The following RCL1 variants were observed in gnomAD, a reference collection of about 807,000 sequenced individuals.
RCL1 encodes the protein RNA 3'-terminal phosphate cyclase-like protein.
Under a neutral mutation model 42.4 loss-of-function variants are expected in RCL1, and 24 were observed. The observed-to-expected ratio is 0.57, with a 90% CI of 0.41 to 0.80. RCL1 has a LOEUF of 0.80. Among genes scored for constraint, RCL1 ranks in the 30% least tolerant of loss-of-function variants. RCL1 has a pLI of 0.00. For missense variants in RCL1, 578 were observed against 467.9 expected, an observed-to-expected ratio of 1.24 and a Z score of -2.17; for synonymous variants, 228 against 177.3, an observed-to-expected ratio of 1.29 and a Z score of -2.27.
chr9:4,860,098 T>A, intron 8 of RCL1, 27 bp from the exon 9 acceptor site: 1 of 1,443,958 alleles, frequency 6.9e-7, no homozygotes, highest in Non-Finnish European at 9.3e-7. Flanking sequence ...TTCTTTTTAT[T>A]TATTTATTTA....
chr9:4,825,038 A>C (rs1011727674), intron 2 of RCL1, among the ~76,000 whole-genome samples: 4 of 150,642 alleles, frequency 2.7e-5, no homozygotes, highest in Non-Finnish European at 5.9e-5. Flanking sequence ...TAGCCTCCCC[A>C]GTAGCTGGGA....
At chr9:4,832,413 T>C (rs1006488464) in intron 3 of RCL1, among the ~76,000 whole-genome samples, 2 of 152,224 alleles carry the variant, frequency 1.3e-5, no homozygotes, top group African/African-American at 4.8e-5. Context: ...TTTGGTTTGC[T>C]TTGACTCGGA....
chr9:4,844,641 G>C lies in RCL1; in HGVS notation c.827G>C (p.Gly276Ala). The change falls in exon 7 of 9, where the codon GGC becomes GCC. Residue 276 changes from glycine (G) to alanine (A), a missense_variant. By Grantham distance (60) the Gly-to-Ala change is moderately conservative. Coordinates refer to ENST00000381750, the MANE Select transcript of RCL1 (RefSeq NM_005772.5). ...QGAAVLPEDLGRNCARLLLEE... is the reference protein window; with the variant it reads ...QGAAVLPEDLARNCARLLLEE... Reference sequence around the variant, plus strand: ...GCAGCAGTACTTCCAGAGGACCTTGGCAGGAACTGTGCCCGGCTGCTGCTG... The same window carrying C: ...GCAGCAGTACTTCCAGAGGACCTTGCCAGGAACTGTGCCCGGCTGCTGCTG... 1 of 1,613,856 alleles carries C rather than the reference G, an allele frequency of 6.2e-7. No homozygotes were observed.
intron 1 of RCL1, among the ~76,000 whole-genome samples, chr9:4,805,380 C>G (rs1276067608): frequency 1.4e-5 from 2 of 142,622 alleles, no homozygotes; most frequent in African/African-American, 5.3e-5. Context: ...TCCAGCCTGT[C>G]TCTAAAAAGA....
chr9:4,802,175 T>C (rs1337134222), intron 1 of RCL1, among the ~76,000 whole-genome samples: 1 of 151,248 alleles, frequency 6.6e-6, no homozygotes, highest in East Asian at 1.9e-4. Context: ...TCCACCCGCC[T>C]TGGGCTCTCA....
At chr9:4,826,717 G>A (rs1816775654) in intron 2 of RCL1, 141 bp from the exon 3 acceptor site, 2 of 704,486 alleles carry the variant, frequency 2.8e-6, no homozygotes, top group East Asian at 2.5e-5. Flanking sequence ...GGAGCGAAGT[G>A]TGGGCTCTTA....
intron 3 of RCL1, chr9:4,827,385 G>T: frequency 1.4e-6 from 1 of 728,574 alleles, no homozygotes. Flanking sequence ...AGGCTGGAGG[G>T]CAGCTGACCA....
intron 7 of RCL1, among the ~76,000 whole-genome samples, chr9:4,845,650 C>G (rs571131916): frequency 2.0e-4 from 30 of 152,298 alleles, no homozygotes; most frequent in African/African-American, 6.7e-4. Flanking sequence ...TTGCCTTGGT[C>G]CCACATCAAG....
intron 7 of RCL1, among the ~76,000 whole-genome samples, chr9:4,846,611 CTTG>C (rs1563854880): frequency 1.3e-5 from 2 of 152,138 alleles, no homozygotes; most frequent in Admixed American, 6.5e-5. Flanking sequence ...CCCTGGGTCT[CTTG>C]TTGTGCAGGA....
intron 1 of RCL1, among the ~76,000 whole-genome samples, chr9:4,816,729 G>T (rs1290841138): frequency 3.3e-5 from 5 of 152,154 alleles, no homozygotes; most frequent in Non-Finnish European, 7.4e-5. Flanking sequence ...AGATTAGTTT[G>T]TAATTCTGAT....
At chr9:4,823,488 T>A in intron 1 of RCL1, 60 bp from the exon 2 acceptor site, 1 of 1,339,506 alleles carries the variant, frequency 7.5e-7, no homozygotes, top group Admixed American at 1.8e-5. Flanking sequence ...TCTGGAAATG[T>A]TGACCTGACA....
At position 4,841,781 on chromosome 9, in the gene RCL1, C is replaced by G. The variant is rs548584264; in HGVS notation, c.710+424C>G. Among the ~76,000 whole-genome samples the G allele has an allele frequency of 4.6e-5, 7 of 152,186 alleles. No homozygotes were observed. The East Asian group carries it at 1.4e-3, about 29-fold the overall frequency. ...ATCAGTGGAAACAACATATTTACAT[C>G]CAGAGAAAGTTGTTATTGCAGACGT... is the stretch of plus-strand genomic sequence containing the variant. On this transcript the variant is annotated intron_variant, in intron 6 of 8. Coordinates refer to ENST00000381750, the MANE Select transcript of RCL1 (RefSeq NM_005772.5).
rs936789229 is a variant in RCL1 at position 4,860,357 on chromosome 9, A to T, written c.*82A>T. The T allele has an allele frequency of 1.4e-6, 2 of 1,455,234 alleles. No individual in the cohort carries two copies. The highest frequency in any genetic ancestry group is 4.7e-5 in the Admixed American group (2 of 42,674). 90.1% of individuals were successfully genotyped at this position (1,455,234 alleles called of 1,614,324 possible). On this transcript the variant is annotated 3_prime_UTR_variant, in exon 9 of 9. Coordinates refer to ENST00000381750, the MANE Select transcript of RCL1 (RefSeq NM_005772.5). ...CACCAATGGGACCAAGTCCAAATGG[A>T]TTAATCCAGGACAGAATAGCCACTT...
intron 1 of RCL1, among the ~76,000 whole-genome samples, chr9:4,811,444 C>T (rs1177216245): frequency 6.6e-6 from 1 of 152,114 alleles, no homozygotes; most frequent in African/African-American, 2.4e-5. Context: ...CTTTCCCCGC[C>T]TCTAGTAACC....
intron 5 of RCL1, among the ~76,000 whole-genome samples, chr9:4,837,534 C>T (rs1817181490): frequency 6.6e-6 from 1 of 151,996 alleles, no homozygotes; most frequent in Non-Finnish European, 1.5e-5. Flanking sequence ...TCTCTGTAGT[C>T]TGGAAATGTG....
chr9:4,839,855 G>A, intron 5 of RCL1: 6 of 985,532 alleles, frequency 6.1e-6, no homozygotes, highest in Non-Finnish European at 7.2e-6. Context: ...GAAGAGAGAT[G>A]TATGGTAAGT....
intron 4 of RCL1, 36 bp from the exon 5 acceptor site, chr9:4,834,105 T>C: frequency 6.2e-7 from 1 of 1,601,650 alleles, no homozygotes; most frequent in Non-Finnish European, 8.5e-7. Context: ...ATTGCTTTGC[T>C]GCATCCTCGC....
At chr9:4,846,894 C>CTTTTTTCTTTTTTCTTTTTTTTTTTT (rs57427254) in intron 7 of RCL1, among the ~76,000 whole-genome samples, 7 of 148,670 alleles carry the variant, frequency 4.7e-5, no homozygotes, top group African/African-American at 1.7e-4. Context: ...TAATATTTTT[C>CTTTTTTCTTTTTTCTTTTTTTTTTTT]TTTTTTTTTT....
chr9:4,850,436 G>A (rs462480), intron 8 of RCL1: 2 of 375,658 alleles, frequency 5.3e-6, no homozygotes, highest in African/African-American at 4.1e-5. Flanking sequence ...GGGCCATGGC[G>A]TTGGGGGCAT....
Sources: allele counts gnomAD v4.1 joint callset (sites outside exome capture counted in the v4.1 genomes callset), GRCh38; gene constraint gnomAD v4.1.1; transcripts MANE v1.5; gene names NCBI Gene and HGNC (gene_info 2026-07-23, HGNC 2026-07-21).